The following MMP14 variants were observed in gnomAD, a reference collection of about 807,000 sequenced individuals.
MMP14 encodes matrix metallopeptidase 14.
MMP14 carries 13 observed loss-of-function variants against 64.8 expected under a neutral mutation model. The observed-to-expected ratio is 0.20, with a 90% CI of 0.13 to 0.32. The LOEUF (loss-of-function observed/expected upper bound fraction) is 0.32, where lower values mean the gene tolerates loss of function less well. Ranked by LOEUF, MMP14 falls within the 10% of genes least tolerant of loss-of-function variation. MMP14 has a pLI of 1.00. For synonymous variants in MMP14, 322 were observed against 315.9 expected (o/e 1.02, Z -0.20); for missense variants, 594 against 783.8 (o/e 0.76, Z 2.89).
intron 1 of MMP14, 62 bp from the exon 2 acceptor site, chr14:22,841,429 G>A (rs1408526894): frequency 1.9e-6 from 3 of 1,589,754 alleles, no homozygotes; most frequent in Non-Finnish European, 2.6e-6. Flanking sequence ...GCATTGTCGG[G>A]GAGGTAGAGG....
chr14:22,843,889 G>A lies in MMP14; in HGVS notation c.1011+19G>A, dbSNP rs1485283458. 1.2e-6 allele frequency: 2 copies of A among 1,605,558 alleles called. No individual in the cohort carries two copies. Among genetic ancestry groups the A allele is most frequent in the South Asian group, 1.1e-5 (1 of 89,826 alleles). ...CTTCAAGGTGAGAAGAAGTGGGCTG[G>A]TTTGAAAGACAAAAGGGCCCTATGG... is the stretch of plus-strand genomic sequence containing the variant. On this transcript the variant is annotated intron_variant, in intron 6 of 9. Coordinates refer to ENST00000311852, the MANE Select transcript of MMP14 (RefSeq NM_004995.4). This position sits in a 1 kb window ranked among gnomAD's most constrained non-coding sequence, Gnocchi z 4.8.
At position 22,842,830 on chromosome 14, in the gene MMP14, C is replaced by T; in HGVS notation, c.688+113C>T. 2 of 1,128,212 alleles carry T rather than the reference C, an allele frequency of 1.8e-6. No homozygotes were observed. Among genetic ancestry groups the T allele is most frequent in the Admixed American group, 5.4e-5 (2 of 36,924 alleles). 69.9% of individuals were successfully genotyped at this position (1,128,212 alleles called of 1,614,324 possible). On this transcript the variant is annotated intron_variant, in intron 4 of 9. Coordinates refer to ENST00000311852, the MANE Select transcript of MMP14 (RefSeq NM_004995.4). The surrounding 1 kb of genome is among the most constrained non-coding windows in gnomAD (Gnocchi z 5.3). ...GGCTAGAAGGGACCACAGAGACCTT[C>T]TGATCTAACTTCTGACAAAAGCAGG...
intron 1 of MMP14, chr14:22,837,318 G>T (rs886269580): frequency 2.1e-6 from 1 of 466,442 alleles, no homozygotes; most frequent in Admixed American, 2.3e-5. Context: ...CGTCATGCGC[G>T]AGAGTTTGTT....
At chr14:22,841,886 C>G (rs2039775512) in intron 2 of MMP14, 27 bp from the exon 3 acceptor site, 1 of 1,614,052 alleles carries the variant, frequency 6.2e-7, no homozygotes, top group South Asian at 1.1e-5. Context: ...GCACTGATCC[C>G]AATCCTCGCA....
Position 22,843,559 on chromosome 14 carries a change from G to A in MMP14, c.850+141G>A, listed in dbSNP as rs2039788723. On this transcript the variant is annotated intron_variant, in intron 5 of 9. Transcript: ENST00000311852. This position sits in a 1 kb window ranked among gnomAD's most constrained non-coding sequence, Gnocchi z 4.8. ...CTGCCTCTATCAGCTCCACTTTTGAGCCCATCTTTTGTGTCGCCTCCCAGT... is the reference window on the plus strand; with the variant it reads ...CTGCCTCTATCAGCTCCACTTTTGAACCCATCTTTTGTGTCGCCTCCCAGT... 18 of 1,390,200 alleles carry A rather than the reference G, an allele frequency of 1.3e-5. No individual in the cohort carries two copies. The highest frequency in any genetic ancestry group is 1.6e-5 in the Non-Finnish European group (16 of 1,018,854). The allele number at this position is 1,390,200 out of a possible 1,614,324, so 86.1% of individuals were successfully genotyped here. A position where few individuals can be genotyped will look rare whatever the true frequency, so the allele number is the denominator to read the frequency against.
chr14:22,844,780 A>C lies in MMP14; in HGVS notation c.1301A>C (p.Lys434Thr), dbSNP rs745468018. The C allele has an allele frequency of 6.8e-6, 11 of 1,613,936 alleles. No homozygotes were observed. The African/African-American group carries it at 1.3e-4, about 20-fold the overall frequency. ...NGKTYFFRGN[K>T]YYRFNEELRA... ...AAGACCTACTTCTTCCGTGGAAACA[A>C]GTAAGACCTCAACCCCTTAACCCCA... The change falls in exon 8 of 10, where the codon AAG becomes ACG. Residue 434 changes from lysine (K) to threonine (T), a missense_variant and splice_region_variant. This residue lies in a region of MMP14 where 364 missense variants were observed against 425.2 expected (regional missense o/e 0.86). Transcript: ENST00000311852.
At chr14:22,837,153 C>T (rs1358480067) in intron 1 of MMP14, 4 of 685,522 alleles carry the variant, frequency 5.8e-6, no homozygotes, top group African/African-American at 5.3e-5. Flanking sequence ...GCCGCCGACT[C>T]TCCTTCCCAT....
Position 22,845,690 on chromosome 14 carries a change from C to T in MMP14, c.1418-18C>T. The stretch of plus-strand genomic sequence containing the variant: ...TGGGTCTTCCCTTCCTTACCACCTT[C>T]TGATTCACTCCCTGCAGTCTTCACT... On this transcript the variant is annotated intron_variant, in intron 9 of 9. Transcript: ENST00000311852. 6.2e-7 allele frequency: 1 copy of T among 1,612,602 alleles called. No individual in the cohort carries two copies.
chr14:22,843,801 T>C lies in MMP14; in HGVS notation c.942T>C (p.Tyr314=), dbSNP rs749722785. Residue 314 remains tyrosine, a synonymous_variant, in exon 6 of 10, where the codon TAT becomes TAC. Coordinates refer to ENST00000311852, the MANE Select transcript of MMP14 (RefSeq NM_004995.4). This position sits in a 1 kb window ranked among gnomAD's most constrained non-coding sequence, Gnocchi z 4.8. ...CTGATAAACCCAAAAACCCCACCTA[T>C]GGGCCCAACATCTGTGACGGGAACT... ...SVPDKPKNPT[Y]GPNICDGNFD... 5.6e-6 allele frequency: 9 copies of C among 1,613,658 alleles called. No individual in the cohort carries two copies. The highest frequency in any genetic ancestry group is 7.6e-6 in the Non-Finnish European group (9 of 1,179,912).
Position 22,841,621 on chromosome 14 carries a change from C to T in MMP14, c.239C>T (p.Ala80Val), listed in dbSNP as rs752209666. ...KFYGLQVTGK[A>V]DADTMKAMRR... Reference sequence around the variant, plus strand: ...TACGGCTTGCAAGTAACAGGCAAAGCTGATGCAGACACCATGAAGTAAGTG... The same window carrying T: ...TACGGCTTGCAAGTAACAGGCAAAGTTGATGCAGACACCATGAAGTAAGTG... The change falls in exon 2 of 10, where the codon GCT (alanine) becomes GTT (valine). Residue 80 changes from alanine (A) to valine (V), a missense_variant. Physicochemically the swap from Ala to Val is moderately conservative, Grantham distance 64. This residue lies in a region of MMP14 where 179 missense variants were observed against 283.4 expected (regional missense o/e 0.63). Coordinates refer to ENST00000311852, the MANE Select transcript of MMP14 (RefSeq NM_004995.4). 3 of 1,613,920 alleles carry T rather than the reference C, an allele frequency of 1.9e-6. No homozygotes were observed. Among genetic ancestry groups the T allele is most frequent in the Non-Finnish European group, 2.5e-6 (3 of 1,180,012 alleles).
rs577502772 is a variant in MMP14 at position 22,839,962 on chromosome 14, C to CTTTTTTTT, written c.109-1512_109-1505dup. On this transcript the variant is annotated intron_variant, in intron 1 of 9. Transcript: ENST00000311852. ...TTCATATATAACTTGGCTTGTTTTA[C>CTTTTTTTT]TTTTTTTTTTTTTTTTTTTTTTTTG... Among the ~76,000 whole-genome samples the CTTTTTTTT allele has an allele frequency of 4.7e-3, 429 of 90,796 alleles. 32 individuals carry two copies. Among genetic ancestry groups the CTTTTTTTT allele is most frequent in the African/African-American group, 0.021 (406 of 19,516 alleles). 59.6% of individuals were successfully genotyped at this position (90,796 alleles called of 152,430 possible).
chr14:22,845,766 G>A lies in MMP14; in HGVS notation c.1476G>A (p.Lys492=). ...GGAAATTCAACAACCAGAAGCTGAA[G>A]GTAGAACCGGGCTACCCCAAGTCAG... ...KYWKFNNQKL[K]VEPGYPKSAL... Residue 492 remains lysine, a synonymous_variant, in exon 10 of 10, where the codon AAG becomes AAA. Coordinates refer to ENST00000311852, the MANE Select transcript of MMP14 (RefSeq NM_004995.4). 4.3e-6 allele frequency: 7 copies of A among 1,614,166 alleles called. No individual in the cohort carries two copies. Among genetic ancestry groups the A allele is most frequent in the Non-Finnish European group, 5.9e-6 (7 of 1,180,048 alleles).
At chr14:22,844,024 C>T (rs867918742) in intron 6 of MMP14, among the ~76,000 whole-genome samples, 154 bp downstream of exon 6, 11 of 152,050 alleles carry the variant, frequency 7.2e-5, no homozygotes, top group Admixed American at 7.2e-4. Flanking sequence ...AGTGAAACCC[C>T]GTCTCTACTA....
At position 22,847,225 on chromosome 14, in the gene MMP14, G is replaced by C. The variant is rs1465754022; in HGVS notation, c.*1186G>C. 1 of 152,620 alleles carries C rather than the reference G, an allele frequency of 6.6e-6. No homozygotes were observed. Among genetic ancestry groups the C allele is most frequent in the African/African-American group, 2.4e-5 (1 of 41,482 alleles). The allele number at this position is 152,620 out of a possible 1,614,324, so 9.5% of individuals were successfully genotyped here. A position where few individuals can be genotyped will look rare whatever the true frequency, so the allele number is the denominator to read the frequency against. On this transcript the variant is annotated 3_prime_UTR_variant, in exon 10 of 10. Coordinates refer to ENST00000311852, the MANE Select transcript of MMP14 (RefSeq NM_004995.4). Reference sequence around the variant, plus strand: ...CACGAGAGGCCACAGGGCCTGGCTGGCCACGCTGTCCCGGCCTGCTCACCA... The same window carrying C: ...CACGAGAGGCCACAGGGCCTGGCTGCCCACGCTGTCCCGGCCTGCTCACCA...
chr14:22,842,345 A>T lies in MMP14; in HGVS notation c.381-65A>T. 1 of 1,538,576 alleles carries T rather than the reference A, an allele frequency of 6.5e-7. No homozygotes were observed. Among genetic ancestry groups the T allele is most frequent in the South Asian group, 1.2e-5 (1 of 80,846 alleles). ...CAGTCAGACCTGGGAGAGTGCAGGG[A>T]AGGAGAATGTTGCCCCTCTTTATCC... On this transcript the variant is annotated intron_variant, in intron 3 of 9. Transcript: ENST00000311852. This position sits in a 1 kb window ranked among gnomAD's most constrained non-coding sequence, Gnocchi z 5.3.
In MMP14 at chr14:22,843,496, G is replaced by T. The variant is rs1269281658; in HGVS notation, c.850+78G>T. On this transcript the variant is annotated intron_variant, in intron 5 of 9. Transcript: ENST00000311852. The surrounding 1 kb of genome is among the most constrained non-coding windows in gnomAD (Gnocchi z 4.8). ...GGTCTACGCATTTCCCCTCTTTTAT[G>T]CCTTGCAGTCTCCGCACCGCCCCCT... is the stretch of plus-strand genomic sequence containing the variant. The T allele has an allele frequency of 2.6e-6, 4 of 1,534,186 alleles. No individual in the cohort carries two copies. Among genetic ancestry groups the T allele is most frequent in the Non-Finnish European group, 3.5e-6 (4 of 1,129,914 alleles).
intron 1 of MMP14, among the ~76,000 whole-genome samples, chr14:22,837,592 C>G (rs1200212519): frequency 6.6e-6 from 1 of 152,274 alleles, no homozygotes; most frequent in Non-Finnish European, 1.5e-5. Flanking sequence ...TCCTTGTGAG[C>G]CGGGCGATCG....
At position 22,842,184 on chromosome 14, in the gene MMP14, T is replaced by C. The variant is rs2039777459; in HGVS notation, c.380+149T>C. On this transcript the variant is annotated intron_variant, in intron 3 of 9. Coordinates refer to ENST00000311852, the MANE Select transcript of MMP14 (RefSeq NM_004995.4). The surrounding 1 kb of genome is among the most constrained non-coding windows in gnomAD (Gnocchi z 5.3). ...GTGGGGAGGAAAATGGCTCTCATCC[T>C]TGAGAGAGGTGTAGCCATCAAGGGT... The C allele has an allele frequency of 8.6e-7, 1 of 1,163,314 alleles. No individual in the cohort carries two copies. The highest frequency in any genetic ancestry group is 1.5e-5 in the African/African-American group (1 of 65,206). 72.1% of individuals were successfully genotyped at this position (1,163,314 alleles called of 1,614,324 possible). A position where few individuals can be genotyped will look rare whatever the true frequency, so the allele number is the denominator to read the frequency against.
rs1276720616 is a variant in MMP14 at position 22,842,338 on chromosome 14, T to C, written c.381-72T>C. ...GGCCGCGCAGTCAGACCTGGGAGAG[T>C]GCAGGGAAGGAGAATGTTGCCCCTC... On this transcript the variant is annotated intron_variant, in intron 3 of 9. Transcript: ENST00000311852. The surrounding 1 kb of genome is among the most constrained non-coding windows in gnomAD (Gnocchi z 5.3). 2 of 1,523,474 alleles carry C rather than the reference T, an allele frequency of 1.3e-6. No homozygotes were observed. Among genetic ancestry groups the C allele is most frequent in the Non-Finnish European group, 1.8e-6 (2 of 1,119,426 alleles). The allele number at this position is 1,523,474 out of a possible 1,614,324, so 94.4% of individuals were successfully genotyped here.
Sources: allele counts gnomAD v4.1 joint callset (sites outside exome capture counted in the v4.1 genomes callset), GRCh38; gene constraint gnomAD v4.1.1; regional missense constraint gnomAD v4.1.1; non-coding constraint Gnocchi (gnomAD v3.1); transcripts MANE v1.5; gene names NCBI Gene and HGNC (gene_info 2026-07-23, HGNC 2026-07-21).